GRM8: variants seen among roughly 807,000 people sequenced by gnomAD.
The protein encoded by GRM8 is metabotropic glutamate receptor 8.
GRM8 carries 47 observed loss-of-function variants against 87.2 expected under a neutral mutation model. That is an observed-to-expected ratio of 0.54 (90% CI 0.43 to 0.69). The LOEUF (loss-of-function observed/expected upper bound fraction) is 0.69, where lower values mean the gene tolerates loss of function less well. GRM8 is among the 30% of genes least tolerant of loss of function. The pLI is 0.00. For missense variants in GRM8, 1,019 were observed against 1,139.2 expected (o/e 0.89, Z 1.52); for synonymous variants, 396 against 404.5 (o/e 0.98, Z 0.25).
intron 6 of GRM8, among the ~76,000 whole-genome samples, chr7:126,823,566 CA>C (rs1270429267): frequency 2.0e-5 from 3 of 152,160 alleles, no homozygotes; most frequent in Non-Finnish European, 4.4e-5. Flanking sequence ...TTATGATTGC[CA>C]CATTAAGTAA....
chr7:126,507,674 A>C (rs1810685019), intron 9 of GRM8, among the ~76,000 whole-genome samples: 2 of 152,008 alleles, frequency 1.3e-5, no homozygotes, highest in Admixed American at 1.3e-4. Flanking sequence ...GCCTTTCACT[A>C]TTGGCAACAT....
At chr7:126,504,259 A>AT (rs1246906473) in intron 9 of GRM8, among the ~76,000 whole-genome samples, 1 of 152,060 alleles carries the variant, frequency 6.6e-6, no homozygotes, top group Non-Finnish European at 1.5e-5. Context: ...TGCATATTAC[A>AT]TTTTAACAAG....
At chr7:127,106,735 T>C in intron 2 of GRM8, 23 bp from the exon 3 acceptor site, 2 of 1,484,898 alleles carry the variant, frequency 1.3e-6, no homozygotes, top group Non-Finnish European at 1.9e-6. Context: ...TGATGGGTCA[T>C]TTCAACCCAT....
chr7:126,465,579 T>TTATGCTG (rs1804399169), intron 9 of GRM8, among the ~76,000 whole-genome samples: 1 of 151,872 alleles, frequency 6.6e-6, no homozygotes, highest in Admixed American at 6.6e-5. Flanking sequence ...TATTTGATAT[T>TTATGCTG]TATGCTGTTG....
intron 6 of GRM8, among the ~76,000 whole-genome samples, chr7:126,878,054 C>T (rs548901429): frequency 2.0e-4 from 31 of 152,288 alleles, no homozygotes; most frequent in Non-Finnish European, 4.3e-4. Context: ...CTGAATTACT[C>T]TAGGTGGGTT....
At position 126,553,894 on chromosome 7, in the gene GRM8, C is replaced by A. The variant is rs76693470; in HGVS notation, c.1495-20007G>T. Among the ~76,000 whole-genome samples, 689 of 152,236 alleles carry A rather than the reference C, an allele frequency of 4.5e-3. 3 individuals carry two copies. Among genetic ancestry groups the A allele is most frequent in the African/African-American group, 0.013 (560 of 41,550 alleles). ...GGAAAGCTGAAGGCATTTTGGATTT[C>A]CAGTGGCAGGGCAGTTAGTTTCATT... is the stretch of plus-strand genomic sequence containing the variant. On this transcript the variant is annotated intron_variant, in intron 8 of 10. Coordinates refer to ENST00000339582, the MANE Select transcript of GRM8 (RefSeq NM_000845.3).
At chr7:126,904,811 A>G (rs573200594) in intron 3 of GRM8, 128 bp from the exon 4 acceptor site, 2 of 780,318 alleles carry the variant, frequency 2.6e-6, no homozygotes, top group Non-Finnish European at 4.2e-6. Context: ...TGTCACTCTC[A>G]CCTATTAAGA....
At chr7:126,845,003 G>T (rs1347028937) in intron 6 of GRM8, among the ~76,000 whole-genome samples, 1 of 152,074 alleles carries the variant, frequency 6.6e-6, no homozygotes, top group Non-Finnish European at 1.5e-5. Context: ...TCCAGGATTT[G>T]CACCCTAATT....
At chr7:127,092,389 G>A (rs1015847483) in intron 3 of GRM8, among the ~76,000 whole-genome samples, 3 of 152,118 alleles carry the variant, frequency 2.0e-5, no homozygotes, top group Admixed American at 1.3e-4. Flanking sequence ...GAAATAAACT[G>A]TGAACAGAAA....
chr7:126,547,478 C>A (rs889160134), intron 8 of GRM8, among the ~76,000 whole-genome samples: 1 of 151,540 alleles, frequency 6.6e-6, no homozygotes, highest in African/African-American at 2.4e-5. Context: ...GATACATTAT[C>A]ATTCATTATT....
At chr7:126,537,565 AG>A (rs917607761) in intron 8 of GRM8, among the ~76,000 whole-genome samples, 33 of 152,304 alleles carry the variant, frequency 2.2e-4, no homozygotes, top group African/African-American at 7.2e-4. Flanking sequence ...TCACAAGGTC[AG>A]GAGATCGAGA....
chr7:127,124,980 A>T (rs1167895237), intron 2 of GRM8, among the ~76,000 whole-genome samples: 4 of 152,174 alleles, frequency 2.6e-5, no homozygotes, highest in Non-Finnish European at 5.9e-5. Context: ...GTCTCAGCTT[A>T]TTAAGACTAT....
intron 6 of GRM8, among the ~76,000 whole-genome samples, chr7:126,778,406 G>A (rs1336259420): frequency 1.3e-5 from 2 of 152,116 alleles, no homozygotes; most frequent in Non-Finnish European, 2.9e-5. Context: ...CAATGCCCTA[G>A]AGTTTCGAAA....
intron 6 of GRM8, among the ~76,000 whole-genome samples, chr7:126,776,387 G>A (rs1819477979): frequency 6.6e-6 from 1 of 152,112 alleles, no homozygotes; most frequent in Non-Finnish European, 1.5e-5. Flanking sequence ...ATGCTAGGTA[G>A]TAGAAAATTG....
rs555359508 is a variant in GRM8, at chr7:126,834,717, C to A, written c.1157-64652G>T. 2.8e-4 allele frequency among the ~76,000 whole-genome samples: 42 copies of A among 152,274 alleles called. 1 individual carries two copies. The highest frequency in any genetic ancestry group is 9.1e-4 in the African/African-American group (38 of 41,562). On this transcript the variant is annotated intron_variant, in intron 6 of 10. Transcript: ENST00000339582. Reference sequence around the variant, plus strand: ...TTTTAAATACTGAAATCACAAACTTCAACAGCTTCAAAGTGTTTTGCAACA... The same window carrying A: ...TTTTAAATACTGAAATCACAAACTTAAACAGCTTCAAAGTGTTTTGCAACA...
At position 126,460,479 on chromosome 7, in the gene GRM8, A is replaced by G. The variant is rs532822722; in HGVS notation, c.2431-14107T>C. On this transcript the variant is annotated intron_variant, in intron 9 of 10. Coordinates refer to ENST00000339582, the MANE Select transcript of GRM8 (RefSeq NM_000845.3). ...ACAACCTCAGAAACTGTAGGTCTCAAATAACTACCAGTGAAAGGTGGAGAA... is the reference window on the plus strand; with the variant it reads ...ACAACCTCAGAAACTGTAGGTCTCAGATAACTACCAGTGAAAGGTGGAGAA... Among the ~76,000 whole-genome samples, 43 of 151,760 alleles carry G rather than the reference A, an allele frequency of 2.8e-4. No homozygotes were observed. In the South Asian group the frequency reaches 8.9e-3, roughly 31 times the overall value.
intron 2 of GRM8, among the ~76,000 whole-genome samples, chr7:127,232,720 A>G (rs2116819334): frequency 6.6e-6 from 1 of 152,362 alleles, no homozygotes; most frequent in Non-Finnish European, 1.5e-5. Context: ...TATCATCATC[A>G]TAACAAACAT....
At chr7:127,191,127 G>C (rs1451782051) in intron 2 of GRM8, among the ~76,000 whole-genome samples, 7 of 152,080 alleles carry the variant, frequency 4.6e-5, no homozygotes, top group Admixed American at 4.6e-4. Context: ...ATTAGATTCT[G>C]ATTCCTAGAT....
chr7:126,747,535 A>ATTG (rs1815839439), intron 7 of GRM8, among the ~76,000 whole-genome samples: 1 of 151,938 alleles, frequency 6.6e-6, no homozygotes, highest in Non-Finnish European at 1.5e-5. Context: ...AGAAACTACA[A>ATTG]TGACTCTCTT....
Sources: gnomAD v4.1 joint callset for allele counts (sites outside exome capture counted in the v4.1 genomes callset) on GRCh38, gnomAD v4.1.1 for gene constraint, MANE v1.5 for transcripts, NCBI Gene and HGNC (gene_info 2026-07-23, HGNC 2026-07-21) for gene names.